IMMP2L: variants seen among roughly 807,000 people sequenced by gnomAD.
IMMP2L encodes inner mitochondrial membrane peptidase subunit 2, also known as mitochondrial inner membrane protease subunit 2.
In IMMP2L, 18 loss-of-function variants were observed where a neutral mutation model predicts 19.3. The ratio of observed to expected loss-of-function variants is 0.93; its 90% confidence interval spans 0.64 to 1.38. The LOEUF is 1.38. Ranked by LOEUF, IMMP2L falls within the 40% of genes most tolerant of loss-of-function variation. IMMP2L has a pLI of 0.00. For synonymous variants in IMMP2L, 76 were observed against 73.0 expected (o/e 1.04, Z -0.21); for missense variants, 233 against 218.2 (o/e 1.07, Z -0.43).
chr7:111,289,668 A>C (rs996638702), intron 3 of IMMP2L, among the ~76,000 whole-genome samples: 8 of 152,142 alleles, frequency 5.3e-5, no homozygotes, highest in Middle Eastern at 6.8e-3. Flanking sequence ...CCCAGAAATA[A>C]ACTTTATACC....
intron 5 of IMMP2L, among the ~76,000 whole-genome samples, chr7:110,729,269 T>G (rs1265440828): frequency 6.6e-6 from 1 of 152,168 alleles, no homozygotes; most frequent in Non-Finnish European, 1.5e-5. Context: ...GACTCACAGT[T>G]CTGCATGGCT....
intron 3 of IMMP2L, among the ~76,000 whole-genome samples, chr7:111,191,431 TACAC>T (rs57414194): frequency 0.013 from 1,839 of 146,754 alleles, 42 homozygotes; most frequent in East Asian, 0.11. Context: ...GCTGCTCAAA[TACAC>T]ACACACACAC....
intron 3 of IMMP2L, among the ~76,000 whole-genome samples, chr7:111,229,539 T>C (rs549503686): frequency 6.6e-6 from 1 of 152,164 alleles, no homozygotes; most frequent in East Asian, 1.9e-4. Context: ...CAACTCACCC[T>C]ACTCACATTC....
At chr7:111,251,820 G>T (rs929647605) in intron 3 of IMMP2L, among the ~76,000 whole-genome samples, 1 of 151,958 alleles carries the variant, frequency 6.6e-6, no homozygotes, top group Non-Finnish European at 1.5e-5. Flanking sequence ...GGGTTTATCT[G>T]TGCAGCAAAC....
rs565550402 is a variant in IMMP2L at position 111,394,391 on chromosome 7, A to C, written c.239+92847T>G. On this transcript the variant is annotated intron_variant, in intron 3 of 5. Transcript: ENST00000405709. ...ATCAACATCATCATCATTTCTAAAC[A>C]AATAACAAAAGTCTCAGAAACAAAT... Among the ~76,000 whole-genome samples the C allele has an allele frequency of 1.3e-3, 197 of 152,290 alleles. 4 individuals carry two copies. The highest frequency in any genetic ancestry group is 1.2e-3 in the Non-Finnish European group (80 of 68,014).
intron 2 of IMMP2L, among the ~76,000 whole-genome samples, chr7:111,503,680 A>G (rs1248988275): frequency 6.6e-6 from 1 of 152,316 alleles, no homozygotes; most frequent in East Asian, 1.9e-4. Flanking sequence ...ACAAATCAAT[A>G]AATGTAATCC....
At chr7:110,999,044 T>C (rs1306246497) in intron 3 of IMMP2L, among the ~76,000 whole-genome samples, 2 of 152,112 alleles carry the variant, frequency 1.3e-5, no homozygotes, top group African/African-American at 2.4e-5. Context: ...AGTTGGAAAA[T>C]AGATTTTTCT....
chr7:111,396,818 C>T (rs1438060131), intron 3 of IMMP2L, among the ~76,000 whole-genome samples: 11 of 152,202 alleles, frequency 7.2e-5, no homozygotes, highest in African/African-American at 1.4e-4. Context: ...GGTGCGGTGG[C>T]TCACGCCTGT....
At chr7:111,177,562 A>C (rs1472238406) in intron 3 of IMMP2L, among the ~76,000 whole-genome samples, 2 of 152,026 alleles carry the variant, frequency 1.3e-5, no homozygotes, top group African/African-American at 4.8e-5. Flanking sequence ...AAACATCTCC[A>C]AATTTAAAAA....
At chr7:111,093,169 G>C (rs1033465288) in intron 3 of IMMP2L, among the ~76,000 whole-genome samples, 4 of 152,136 alleles carry the variant, frequency 2.6e-5, no homozygotes, top group Non-Finnish European at 5.9e-5. Context: ...CTCTCTGTAA[G>C]ATGAACAAGT....
At chr7:111,408,852 A>G (rs1163640382) in intron 3 of IMMP2L, among the ~76,000 whole-genome samples, 1 of 151,758 alleles carries the variant, frequency 6.6e-6, no homozygotes, top group East Asian at 1.9e-4. Flanking sequence ...GCAGTCTAAT[A>G]AAACACAAAG....
At chr7:111,169,041 G>A (rs1275829349) in intron 3 of IMMP2L, among the ~76,000 whole-genome samples, 3 of 151,838 alleles carry the variant, frequency 2.0e-5, no homozygotes, top group Non-Finnish European at 4.4e-5. Context: ...CTACACATAG[G>A]CAAGGATAAT....
chr7:110,929,969 G>C lies in IMMP2L; in HGVS notation c.305+33531C>G, dbSNP rs141791366. Among the ~76,000 whole-genome samples, 645 of 152,242 alleles carry C rather than the reference G, an allele frequency of 4.2e-3. 5 individuals carry two copies. Among genetic ancestry groups the C allele is most frequent in the African/African-American group, 0.015 (622 of 41,556 alleles). On this transcript the variant is annotated intron_variant, in intron 4 of 5. Coordinates refer to ENST00000405709, the MANE Select transcript of IMMP2L (RefSeq NM_032549.4). Reference sequence around the variant, plus strand: ...GATAACTGCTATTAAATACTCGTTTGTCAAGAGACAAATTTATCAGAGTTT... The same window carrying C: ...GATAACTGCTATTAAATACTCGTTTCTCAAGAGACAAATTTATCAGAGTTT...
rs376517868 is a variant in IMMP2L at position 111,004,231 on chromosome 7, G to A, written c.240-40666C>T. ...GAATTATTTAATTCTCTTTTGGAGT[G>A]CAATGGCATAATCATAGCTCACTGC... On this transcript the variant is annotated intron_variant, in intron 3 of 5. Transcript: ENST00000405709. 6.6e-5 allele frequency among the ~76,000 whole-genome samples: 10 copies of A among 151,988 alleles called. No homozygotes were observed. The South Asian group carries it at 1.0e-3, about 16-fold the overall frequency.
chr7:111,221,972 A>G (rs953378704), intron 3 of IMMP2L, among the ~76,000 whole-genome samples: 1 of 152,074 alleles, frequency 6.6e-6, no homozygotes, highest in Non-Finnish European at 1.5e-5. Context: ...AAGAGATGGC[A>G]TCACAGTCAG....
chr7:111,111,664 C>G (rs920939104), intron 3 of IMMP2L, among the ~76,000 whole-genome samples: 1 of 151,916 alleles, frequency 6.6e-6, no homozygotes, highest in Non-Finnish European at 1.5e-5. Flanking sequence ...AATGTCCCCC[C>G]CTGCGTCAAT....
intron 5 of IMMP2L, among the ~76,000 whole-genome samples, chr7:110,829,253 TA>T (rs770162516): frequency 6.6e-6 from 1 of 152,152 alleles, no homozygotes; most frequent in Non-Finnish European, 1.5e-5. Flanking sequence ...GATGGAAGAC[TA>T]AAACAGACAT....
At chr7:110,773,393 A>G (rs1420805201) in intron 5 of IMMP2L, among the ~76,000 whole-genome samples, 1 of 152,192 alleles carries the variant, frequency 6.6e-6, no homozygotes, top group Non-Finnish European at 1.5e-5. Flanking sequence ...ATGAATCATT[A>G]GATCACTCTT....
At chr7:110,738,967 T>G (rs963630213) in intron 5 of IMMP2L, among the ~76,000 whole-genome samples, 1 of 152,190 alleles carries the variant, frequency 6.6e-6, no homozygotes, top group South Asian at 2.1e-4. Context: ...GAAACTAAGC[T>G]TCATAAATGA....
Sources: gnomAD v4.1 joint callset for allele counts (sites outside exome capture counted in the v4.1 genomes callset) on GRCh38, gnomAD v4.1.1 for gene constraint, MANE v1.5 for transcripts, NCBI Gene and HGNC (gene_info 2026-07-23, HGNC 2026-07-21) for gene names.